Variants in CCDC57 observed in about 807,000 individuals in gnomAD.
The protein encoded by CCDC57 is coiled-coil domain-containing protein 57.
CCDC57 carries 118 observed loss-of-function variants against 118.9 expected under a neutral mutation model. That is an observed-to-expected ratio of 0.99 (90% CI 0.86 to 1.16). The LOEUF (loss-of-function observed/expected upper bound fraction) is 1.16. Ranked by LOEUF, CCDC57 falls within the 50% of genes most tolerant of loss-of-function variation. The pLI is 0.00. For synonymous variants in CCDC57, 527 were observed against 532.9 expected (o/e 0.99, Z 0.15); for missense variants, 1,300 against 1,320.7 (o/e 0.98, Z 0.24).
chr17:82,101,711 T>TG lies in CCDC57; in HGVS notation c.3054dup (p.Lys1019GlnfsTer4), dbSNP rs1010105145. On this transcript the variant is annotated frameshift_variant, in exon 20 of 20. Coordinates refer to ENST00000665763, the Ensembl canonical transcript of CCDC57. LOFTEE classifies it high-confidence loss of function. Reference sequence around the variant, plus strand: ...TCCATAATGTTGTAGTTACGGATCTTGGGGGGCCTCTGGCAGCCTTTAGCT... The same window carrying TG: ...TCCATAATGTTGTAGTTACGGATCTTGGGGGGGCCTCTGGCAGCCTTTAGCT... 2 of 1,607,548 alleles carry TG rather than the reference T, an allele frequency of 1.2e-6. No homozygotes were observed. The highest frequency in any genetic ancestry group is 1.7e-6 in the Non-Finnish European group (2 of 1,177,832).
chr17:82,108,213 G>A (rs2035001064), intron 19 of CCDC57, among the ~76,000 whole-genome samples: 1 of 152,200 alleles, frequency 6.6e-6, no homozygotes, highest in East Asian at 1.9e-4. Context: ...ACCTGCGGCC[G>A]CTCTGGCGCT....
chr17:82,138,719 G>GTCGGAAGAGA (rs1300285377), intron 16 of CCDC57, among the ~76,000 whole-genome samples: 14 of 151,676 alleles, frequency 9.2e-5, no homozygotes, highest in Admixed American at 1.3e-4. Context: ...CCTGCCCCGG[G>GTCGGAAGAGA]CTGTGTGTGT....
chr17:82,204,667 C>T (rs1351380382), intron 2 of CCDC57, among the ~76,000 whole-genome samples: 1 of 152,086 alleles, frequency 6.6e-6, no homozygotes, highest in African/African-American at 2.4e-5. Flanking sequence ...CCTGTAGTCC[C>T]AGCTACTTGG....
At chr17:82,177,289 T>A (rs2045644410) in intron 11 of CCDC57, among the ~76,000 whole-genome samples, 1 of 152,026 alleles carries the variant, frequency 6.6e-6, no homozygotes, top group African/African-American at 2.4e-5. Context: ...GGCAGGAGAA[T>A]CACTTGAACC....
chr17:82,179,764 C>T (rs1189563913), intron 9 of CCDC57, among the ~76,000 whole-genome samples: 2 of 152,208 alleles, frequency 1.3e-5, no homozygotes, highest in Non-Finnish European at 2.9e-5. Context: ...TGTAAAGGGG[C>T]AGGTCCACCA....
chr17:82,117,119 C>T (rs944035212), intron 19 of CCDC57, among the ~76,000 whole-genome samples: 4 of 152,120 alleles, frequency 2.6e-5, no homozygotes, highest in Admixed American at 2.0e-4. Context: ...TTTGGGAGGC[C>T]GAGGTAGATC....
chr17:82,136,024 C>A (rs2039114643), intron 16 of CCDC57, among the ~76,000 whole-genome samples: 1 of 152,148 alleles, frequency 6.6e-6, no homozygotes, highest in African/African-American at 2.4e-5. Context: ...GAAATCAGAA[C>A]CTTCGTGCGC....
chr17:82,109,932 TAAAA>T (rs949049233), intron 19 of CCDC57, among the ~76,000 whole-genome samples: 3 of 150,464 alleles, frequency 2.0e-5, no homozygotes, highest in Non-Finnish European at 4.4e-5. Flanking sequence ...AAGTAAAAAT[TAAAA>T]AATAAAATAG....
intron 11 of CCDC57, among the ~76,000 whole-genome samples, chr17:82,173,935 G>A (rs957662600): frequency 1.3e-5 from 2 of 152,188 alleles, no homozygotes; most frequent in Admixed American, 6.5e-5. Context: ...GGGACTCACT[G>A]CCATGAGTCT....
At chr17:82,190,449 A>G (rs1388357641) in intron 7 of CCDC57, among the ~76,000 whole-genome samples, 1 of 152,076 alleles carries the variant, frequency 6.6e-6, no homozygotes, top group Admixed American at 6.5e-5. Context: ...TAATCGCAGC[A>G]CTTTGGGAGG....
chr17:82,200,841 A>G (rs1046965604), intron 3 of CCDC57, among the ~76,000 whole-genome samples: 2 of 152,242 alleles, frequency 1.3e-5, no homozygotes, highest in African/African-American at 4.8e-5. Context: ...AGAAGAATAC[A>G]TAAAACATAA....
At chr17:82,117,155 G>A (rs1284747683) in intron 19 of CCDC57, among the ~76,000 whole-genome samples, 1 of 152,064 alleles carries the variant, frequency 6.6e-6, no homozygotes, top group Non-Finnish European at 1.5e-5. Context: ...TTCGAGACCA[G>A]CCTGGGCTAA....
chr17:82,127,200 A>C, intron 19 of CCDC57: 5 of 985,436 alleles, frequency 5.1e-6, no homozygotes, highest in Non-Finnish European at 6.0e-6. Flanking sequence ...GACGAGGATG[A>C]GGATGCGGCT....
chr17:82,146,757 G>C (rs1598889239), intron 16 of CCDC57, among the ~76,000 whole-genome samples: 2 of 152,262 alleles, frequency 1.3e-5, no homozygotes, highest in East Asian at 3.9e-4. Context: ...ACAAATGCAT[G>C]TGTGCACACA....
At chr17:82,209,784 G>A (rs1440154746) in intron 1 of CCDC57, among the ~76,000 whole-genome samples, 29 of 152,284 alleles carry the variant, frequency 1.9e-4, no homozygotes, top group Middle Eastern at 3.4e-3. Flanking sequence ...ACTGTACCCA[G>A]CCAGTTTTTA....
intron 16 of CCDC57, among the ~76,000 whole-genome samples, chr17:82,148,822 GATGGAT>G (rs2041374954): frequency 1.3e-5 from 1 of 79,254 alleles, no homozygotes; most frequent in African/African-American, 4.7e-5. Flanking sequence ...TGGGTGGGTG[GATGGAT>G]GGGTGGGTGG....
At chr17:82,166,053 G>A (rs2043950295) in intron 13 of CCDC57, among the ~76,000 whole-genome samples, 1 of 152,148 alleles carries the variant, frequency 6.6e-6, no homozygotes, top group African/African-American at 2.4e-5. Context: ...GGGAGGCCAA[G>A]GCAGGAGGAT....
exon 3 of CCDC57, chr17:82,201,574 A>G: frequency 1.2e-6 from 2 of 1,611,926 alleles, no homozygotes; most frequent in Non-Finnish European, 1.7e-6. Context: ...ATGCTCCTGG[A>G]ATGCCAGCTG....
intron 1 of CCDC57, among the ~76,000 whole-genome samples, chr17:82,208,697 ATTT>A (rs58043347): frequency 2.0e-5 from 3 of 150,384 alleles, no homozygotes; most frequent in African/African-American, 7.3e-5. Context: ...TGCCCAGTTA[ATTT>A]TTTTTTTAAA....
Sources: gnomAD v4.1 joint callset for allele counts (sites outside exome capture counted in the v4.1 genomes callset) on GRCh38, gnomAD v4.1.1 for gene constraint, MANE v1.5 for transcripts, NCBI Gene and HGNC (gene_info 2026-07-23, HGNC 2026-07-21) for gene names.